The following MBD5 variants were observed in gnomAD, a reference collection of about 807,000 sequenced individuals.
MBD5 encodes methyl-CpG-binding domain protein 5.
MBD5 carries 13 observed loss-of-function variants against 117.3 expected under a neutral mutation model. The observed-to-expected ratio is 0.11, with a 90% confidence interval of 0.07 to 0.18. MBD5 has a LOEUF of 0.18. Ranked by LOEUF, MBD5 falls within the 10% of genes least tolerant of loss-of-function variation. The pLI is 1.00. For missense variants in MBD5, 1,879 were observed against 2,093.8 expected (o/e 0.90, Z 2.00); for synonymous variants, 727 against 766.4 (o/e 0.95, Z 0.85).
chr2:148,121,648 GA>G (rs1191658084), intron 1 of MBD5, among the ~76,000 whole-genome samples: 1 of 152,054 alleles, frequency 6.6e-6, no homozygotes, highest in African/African-American at 2.4e-5. Context: ...CAACATGTCT[GA>G]AAAGCTTGAG....
intron 2 of MBD5, among the ~76,000 whole-genome samples, chr2:148,211,114 A>G (rs1240469322): frequency 1.3e-5 from 2 of 152,188 alleles, no homozygotes. Context: ...GCCTAATACA[A>G]CATCAGTCTA....
chr2:148,338,921 A>G (rs1333622354), intron 3 of MBD5, among the ~76,000 whole-genome samples: 1 of 152,212 alleles, frequency 6.6e-6, no homozygotes. Flanking sequence ...AGACATTCAA[A>G]TTTGGGCTGA....
At chr2:148,310,650 G>T (rs1263196995) in intron 3 of MBD5, among the ~76,000 whole-genome samples, 1 of 151,986 alleles carries the variant, frequency 6.6e-6, no homozygotes, top group South Asian at 2.1e-4. Flanking sequence ...CTATCCTTCA[G>T]TTCTGCTCTG....
At chr2:148,060,485 A>T in intron 1 of MBD5, among the ~76,000 whole-genome samples, 1 of 152,100 alleles carries the variant, frequency 6.6e-6, no homozygotes, top group East Asian at 1.9e-4. Context: ...GTCTGCTTGC[A>T]TGTTGCATAC....
chr2:148,366,858 T>C (rs1251692160), intron 4 of MBD5, among the ~76,000 whole-genome samples: 1 of 152,182 alleles, frequency 6.6e-6, no homozygotes, highest in Non-Finnish European at 1.5e-5. Flanking sequence ...CATTCCATGC[T>C]CATGGATAGG....
chr2:148,412,272 T>TTTTTTTTTTGTGTG (rs946184910), intron 4 of MBD5, among the ~76,000 whole-genome samples: 7 of 144,478 alleles, frequency 4.8e-5, no homozygotes, highest in African/African-American at 1.6e-4. Context: ...AGTATACTTT[T>TTTTTTTTTTGTGTG]TGTGTGTGTG....
chr2:148,336,805 T>A (rs1269561355), intron 3 of MBD5, among the ~76,000 whole-genome samples: 5 of 152,232 alleles, frequency 3.3e-5, no homozygotes, highest in African/African-American at 1.2e-4. Context: ...GTTGAGTAAC[T>A]GCTTGGCCCT....
chr2:148,203,370 T>C lies in MBD5; in HGVS notation c.-831+24577T>C, dbSNP rs554163550. 6.6e-5 allele frequency among the ~76,000 whole-genome samples: 10 copies of C among 152,302 alleles called. No individual in the cohort carries two copies. In the South Asian group the frequency reaches 2.1e-3, roughly 32 times the overall value. ...TTATCAGAGAAGAAATGCAAATGGC[T>C]AATAAACCTGTAAAAATAATTTTCC... is the stretch of plus-strand genomic sequence containing the variant. On this transcript the variant is annotated intron_variant, in intron 2 of 13. Coordinates refer to ENST00000642680, the MANE Select transcript of MBD5 (RefSeq NM_001378120.1).
At chr2:148,238,293 A>G (rs1420671734) in intron 3 of MBD5, among the ~76,000 whole-genome samples, 1 of 152,214 alleles carries the variant, frequency 6.6e-6, no homozygotes, top group Non-Finnish European at 1.5e-5. Flanking sequence ...ACCAATGGTT[A>G]TTAATCTGAG....
intron 11 of MBD5, among the ~76,000 whole-genome samples, chr2:148,499,832 G>A (rs1437014414): frequency 1.3e-5 from 2 of 151,956 alleles, no homozygotes; most frequent in African/African-American, 4.8e-5. Context: ...AAAGTTTCTT[G>A]AATATTTTTC....
intron 3 of MBD5, among the ~76,000 whole-genome samples, chr2:148,298,080 C>T (rs1230777509): frequency 9.9e-5 from 15 of 152,180 alleles, no homozygotes; most frequent in Admixed American, 8.5e-4. Flanking sequence ...CTTCTCCCAG[C>T]ATGGAACCTG....
chr2:148,242,697 C>G (rs1700242104), intron 3 of MBD5, among the ~76,000 whole-genome samples: 1 of 152,078 alleles, frequency 6.6e-6, no homozygotes, highest in South Asian at 2.1e-4. Context: ...AAAAAACTAC[C>G]ACTATATAAT....
At chr2:148,179,188 A>G (rs576769944) in intron 2 of MBD5, among the ~76,000 whole-genome samples, 1 of 152,194 alleles carries the variant, frequency 6.6e-6, no homozygotes, top group East Asian at 1.9e-4. Context: ...CCCGGTCTCT[A>G]CTGAAAATAC....
chr2:148,484,332 C>T (rs1255638292), intron 9 of MBD5, among the ~76,000 whole-genome samples, 197 bp downstream of exon 9: 2 of 152,170 alleles, frequency 1.3e-5, no homozygotes, highest in Non-Finnish European at 2.9e-5. Context: ...TTCCTCTTTC[C>T]CCTATTCTAG....
At chr2:148,510,533 A>G (rs530575756) in intron 13 of MBD5, among the ~76,000 whole-genome samples, 2 of 152,372 alleles carry the variant, frequency 1.3e-5, no homozygotes, top group South Asian at 4.1e-4. Flanking sequence ...TCAAGAGTAT[A>G]TAGACCTCTC....
At chr2:148,318,759 C>T (rs1702216807) in intron 3 of MBD5, among the ~76,000 whole-genome samples, 1 of 152,182 alleles carries the variant, frequency 6.6e-6, no homozygotes, top group African/African-American at 2.4e-5. Flanking sequence ...CACTCTTTCC[C>T]AGGCTGAAGT....
At position 148,483,122 on chromosome 2, in the gene MBD5, C is replaced by T; in HGVS notation, c.2531C>T (p.Pro844Leu). 3 of 1,610,626 alleles carry T rather than the reference C, an allele frequency of 1.9e-6. No homozygotes were observed. Among genetic ancestry groups the T allele is most frequent in the Non-Finnish European group, 2.5e-6 (3 of 1,179,740 alleles). Residue 844 changes from proline to leucine, a missense_variant, in exon 9 of 14, where the codon CCA becomes CTA. Around this residue, in one of 4 missense-constraint regions of MBD5, gnomAD observed 1,666 missense variants for 1,792.2 expected, o/e 0.93. Coordinates refer to ENST00000642680, the MANE Select transcript of MBD5 (RefSeq NM_001378120.1). ...TTTTTCATTTTAGGCGGTTCAGGAC[C>T]ATCATCCTCCATAGCCATAGCGGGC... ...QTSSEAGGSGPSSSIAIAGTN... is the reference protein window; with the variant it reads ...QTSSEAGGSGLSSSIAIAGTN...
chr2:148,464,091 T>C lies in MBD5; in HGVS notation c.397+172T>C, dbSNP rs139794670. ...ATAGCAAACTAGTTCTGAAAAAATATAGTGAGGTTATTTTCCAAAATTTCT... is the reference window on the plus strand; with the variant it reads ...ATAGCAAACTAGTTCTGAAAAAATACAGTGAGGTTATTTTCCAAAATTTCT... On this transcript the variant is annotated intron_variant, in intron 7 of 13. Coordinates refer to ENST00000642680, the MANE Select transcript of MBD5 (RefSeq NM_001378120.1). Among the ~76,000 whole-genome samples the C allele has an allele frequency of 6.5e-3, 990 of 152,286 alleles. 9 individuals carry two copies. Among genetic ancestry groups the C allele is most frequent in the African/African-American group, 0.022 (934 of 41,564 alleles).
chr2:148,252,233 T>G (rs1700483060), intron 3 of MBD5, among the ~76,000 whole-genome samples: 1 of 152,084 alleles, frequency 6.6e-6, no homozygotes, highest in South Asian at 2.1e-4. Flanking sequence ...GTGGGTGAGG[T>G]AGGCTGATTG....
Sources: gnomAD v4.1 joint callset for allele counts (sites outside exome capture counted in the v4.1 genomes callset) on GRCh38, gnomAD v4.1.1 for gene constraint, gnomAD v4.1.1 regional missense constraint, MANE v1.5 for transcripts, NCBI Gene and HGNC (gene_info 2026-07-23, HGNC 2026-07-21) for gene names.